Variants in LRRC7 observed in about 807,000 individuals in gnomAD.
LRRC7 encodes the protein leucine rich repeat containing 7.
A neutral mutation model predicts 175.7 loss-of-function variants in LRRC7; 23 were observed. The ratio of observed to expected loss-of-function variants is 0.13; its 90% CI spans 0.09 to 0.19. The LOEUF is 0.19. Among genes scored for constraint, LRRC7 ranks in the 10% least tolerant of loss-of-function variants. LRRC7 has a pLI of 1.00. For missense variants in LRRC7, 1,354 were observed against 1,904.7 expected, an observed-to-expected ratio of 0.71 and a Z score of 5.38; for synonymous variants, 685 against 680.9, an observed-to-expected ratio of 1.01 and a Z score of -0.09.
chr1:70,062,935 C>A (rs1362200941), intron 23 of LRRC7, among the ~76,000 whole-genome samples: 1 of 151,908 alleles, frequency 6.6e-6, no homozygotes, highest in African/African-American at 2.4e-5. Flanking sequence ...TAACCTAAAG[C>A]AAAAATGACA....
chr1:69,572,800 G>A (rs544833292), intron 1 of LRRC7, among the ~76,000 whole-genome samples: 1 of 152,124 alleles, frequency 6.6e-6, no homozygotes. Flanking sequence ...AATGTGGTTT[G>A]GAAATTTTAG....
chr1:70,059,642 T>C (rs1375665739), intron 23 of LRRC7, among the ~76,000 whole-genome samples: 1 of 152,082 alleles, frequency 6.6e-6, no homozygotes, highest in Non-Finnish European at 1.5e-5. Context: ...GGAGGAATAT[T>C]CATTTCTTAT....
intron 2 of LRRC7, among the ~76,000 whole-genome samples, chr1:69,708,980 G>A (rs1376953131): frequency 6.6e-6 from 1 of 152,112 alleles, no homozygotes; most frequent in Non-Finnish European, 1.5e-5. Context: ...AAATAAGGGA[G>A]GGATTAAATA....
intron 2 of LRRC7, among the ~76,000 whole-genome samples, chr1:69,732,052 G>A (rs545411398): frequency 3.3e-5 from 5 of 151,902 alleles, no homozygotes; most frequent in Non-Finnish European, 5.9e-5. Flanking sequence ...ACGATTATTT[G>A]AGCCATTCAG....
At chr1:69,981,903 C>T (rs997961444) in intron 9 of LRRC7, among the ~76,000 whole-genome samples, 1 of 152,184 alleles carries the variant, frequency 6.6e-6, no homozygotes, top group Non-Finnish European at 1.5e-5. Flanking sequence ...GTTCTACTAC[C>T]ATCCCCATTT....
At chr1:69,696,193 T>A (rs1428358544) in intron 2 of LRRC7, among the ~76,000 whole-genome samples, 1 of 152,198 alleles carries the variant, frequency 6.6e-6, no homozygotes, top group African/African-American at 2.4e-5. Flanking sequence ...ACGAGTTGCC[T>A]TGGGAGCCTG....
At chr1:69,662,261 T>A (rs1165014877) in intron 1 of LRRC7, among the ~76,000 whole-genome samples, 1 of 116,328 alleles carries the variant, frequency 8.6e-6, no homozygotes, top group East Asian at 2.0e-4. Context: ...AACCATTCAT[T>A]CAATCATTTA....
At chr1:69,718,430 G>A (rs940522195) in intron 2 of LRRC7, among the ~76,000 whole-genome samples, 1 of 151,752 alleles carries the variant, frequency 6.6e-6, no homozygotes, top group African/African-American at 2.4e-5. Context: ...TTCAATAGAG[G>A]ATATTAAAAC....
chr1:69,833,642 G>A (rs1680779034), intron 5 of LRRC7, among the ~76,000 whole-genome samples: 1 of 152,016 alleles, frequency 6.6e-6, no homozygotes, highest in Admixed American at 6.6e-5. Context: ...TGTCCCAGGA[G>A]AAGGAAGAGA....
chr1:69,986,456 T>A, intron 10 of LRRC7, 70 bp downstream of exon 10: 4 of 1,365,964 alleles, frequency 2.9e-6, no homozygotes, highest in Middle Eastern at 2.5e-4. Context: ...AAGTATAGTT[T>A]GTCTATAGAT....
rs1666507068 is a variant in LRRC7 at position 70,127,778 on chromosome 1, T to G, written c.*5891T>G. ...GGCAGCACCTCAAAAGGTGGAAGGTTGTGAAATTCACGCAGCATTTATGTA... is the reference window on the plus strand; with the variant it reads ...GGCAGCACCTCAAAAGGTGGAAGGTGGTGAAATTCACGCAGCATTTATGTA... On this transcript the variant is annotated 3_prime_UTR_variant, in exon 27 of 27. Coordinates refer to ENST00000651989, the MANE Select transcript of LRRC7 (RefSeq NM_001370785.2). Among the ~76,000 whole-genome samples, 1 of 152,226 alleles carries G rather than the reference T, an allele frequency of 6.6e-6. No individual in the cohort carries two copies. The highest frequency in any genetic ancestry group is 1.5e-5 in the Non-Finnish European group (1 of 68,036).
At chr1:70,013,729 GAACA>G (rs1292378630) in intron 13 of LRRC7, among the ~76,000 whole-genome samples, 2 of 151,836 alleles carry the variant, frequency 1.3e-5, no homozygotes, top group Non-Finnish European at 2.9e-5. Flanking sequence ...GAAAGGATAA[GAACA>G]AATATTGACT....
rs116663399 is a variant in LRRC7, at chr1:69,686,709, A to G, written c.100+8231A>G. On this transcript the variant is annotated intron_variant, in intron 2 of 26. Transcript: ENST00000651989. ...ACAAGAAACCAAGAGAACAGAACAG[A>G]AAACAAATAATAAAATTAGATGTAT... 5.5e-3 allele frequency among the ~76,000 whole-genome samples: 843 copies of G among 152,264 alleles called. 6 individuals are homozygous for G. Among genetic ancestry groups the G allele is most frequent in the African/African-American group, 0.019 (796 of 41,568 alleles).
At chr1:69,578,850 A>G (rs1646074161) in intron 1 of LRRC7, among the ~76,000 whole-genome samples, 1 of 150,194 alleles carries the variant, frequency 6.7e-6, no homozygotes, top group Non-Finnish European at 1.5e-5. Flanking sequence ...CTAAATGACG[A>G]GTTAATGGGT....
chr1:69,980,309 T>A, intron 8 of LRRC7, 70 bp from the exon 9 acceptor site: 1 of 1,240,664 alleles, frequency 8.1e-7, no homozygotes, highest in Non-Finnish European at 1.2e-6. Flanking sequence ...AATTACATCT[T>A]ATGTTTGTGA....
In LRRC7 at chr1:70,132,019, TAAGG is replaced by T. The variant is rs1467926543; in HGVS notation, c.*10136_*10139del. On this transcript the variant is annotated 3_prime_UTR_variant, in exon 27 of 27. Transcript: ENST00000651989. Reference sequence around the variant, plus strand: ...GGAAAGAGGGGAATTAATAAGTTATTAAGGAAGAAAGAATGAGAAAGACAAAAGA... The same window carrying T: ...GGAAAGAGGGGAATTAATAAGTTATTAAGAAAGAATGAGAAAGACAAAAGA... Among the ~76,000 whole-genome samples the T allele has an allele frequency of 6.6e-6, 1 of 152,036 alleles. No homozygotes were observed. The highest frequency in any genetic ancestry group is 1.5e-5 in the Non-Finnish European group (1 of 67,990).
intron 7 of LRRC7, among the ~76,000 whole-genome samples, chr1:69,889,788 A>G (rs895670039): frequency 5.3e-5 from 8 of 152,206 alleles, no homozygotes; most frequent in African/African-American, 1.9e-4. Flanking sequence ...CCTGGAAGAC[A>G]GAGTGAGACC....
At chr1:70,031,574 T>G (rs757106489) in intron 18 of LRRC7, among the ~76,000 whole-genome samples, 85 of 152,284 alleles carry the variant, frequency 5.6e-4, no homozygotes, top group Non-Finnish European at 1.1e-3. Flanking sequence ...TCAATGCACA[T>G]AAGTTGAAAG....
chr1:69,575,559 C>A (rs1645912399), intron 1 of LRRC7, among the ~76,000 whole-genome samples: 1 of 152,066 alleles, frequency 6.6e-6, no homozygotes, highest in Non-Finnish European at 1.5e-5. Context: ...TTTAAAATAT[C>A]TTTATTTAAG....
Sources: allele counts gnomAD v4.1 joint callset (sites outside exome capture counted in the v4.1 genomes callset), GRCh38; gene constraint gnomAD v4.1.1; transcripts MANE v1.5; gene names NCBI Gene and HGNC (gene_info 2026-07-23, HGNC 2026-07-21).